The following FBN1 variants were observed in gnomAD, a reference collection of about 807,000 sequenced individuals.
The protein encoded by FBN1 is fibrillin-1.
A neutral mutation model predicts 365.1 loss-of-function variants in FBN1; 29 were observed. That is an observed-to-expected ratio of 0.08 (90% CI 0.06 to 0.11). FBN1 has a LOEUF of 0.11. Among genes scored for constraint, FBN1 ranks in the 10% least tolerant of loss-of-function variants. FBN1 has a pLI of 1.00. For synonymous variants in FBN1, 1,210 were observed against 1,270.5 expected, an observed-to-expected ratio of 0.95 and a Z score of 1.01; for missense variants, 2,476 against 3,703.2, an observed-to-expected ratio of 0.67 and a Z score of 8.60.
At chr15:48,534,006 A>G in intron 8 of FBN1, 74 bp downstream of exon 8, 1 of 1,595,412 alleles carries the variant, frequency 6.3e-7, no homozygotes, top group South Asian at 1.1e-5. Context: ...TAATTTGCAA[A>G]CAAGCTTGTT....
chr15:48,644,291 C>A (rs189577755), intron 2 of FBN1: 2 of 382,842 alleles, frequency 5.2e-6, no homozygotes, highest in Non-Finnish European at 9.7e-6. Context: ...GGGAAAGGAA[C>A]GGGCTTCTCC....
intron 63 of FBN1, among the ~76,000 whole-genome samples, chr15:48,417,769 C>T (rs1324561606): frequency 6.6e-6 from 1 of 152,168 alleles, no homozygotes; most frequent in Non-Finnish European, 1.5e-5. Flanking sequence ...CACCAAGCTC[C>T]ATGTCAAACA....
chr15:48,569,134 A>G (rs1239124130), intron 6 of FBN1, among the ~76,000 whole-genome samples: 1 of 152,092 alleles, frequency 6.6e-6, no homozygotes, highest in Non-Finnish European at 1.5e-5. Flanking sequence ...TTACAACTCA[A>G]TAAGAAGATA....
intron 4 of FBN1, among the ~76,000 whole-genome samples, chr15:48,605,523 G>A (rs901126258): frequency 2.0e-5 from 3 of 152,176 alleles, no homozygotes; most frequent in Non-Finnish European, 2.9e-5. Context: ...AGTATTTAGA[G>A]TATACAAAGA....
chr15:48,535,555 A>C (rs1307418321), intron 7 of FBN1, among the ~76,000 whole-genome samples: 1 of 152,228 alleles, frequency 6.6e-6, no homozygotes, highest in South Asian at 2.1e-4. Flanking sequence ...CCAAGCAAAC[A>C]GTCTAATGTA....
intron 42 of FBN1, among the ~76,000 whole-genome samples, chr15:48,462,539 C>A (rs2043287223): frequency 6.9e-6 from 1 of 144,678 alleles, no homozygotes; most frequent in African/African-American, 2.6e-5. Flanking sequence ...AAGTTTGGGG[C>A]TAAAATTATT....
intron 43 of FBN1, among the ~76,000 whole-genome samples, chr15:48,457,842 T>C (rs2043252555): frequency 6.6e-6 from 1 of 152,066 alleles, no homozygotes; most frequent in Admixed American, 6.5e-5. Context: ...CCACAGGATA[T>C]AACCTGCCCA....
At chr15:48,563,675 C>T (rs1224091972) in intron 6 of FBN1, among the ~76,000 whole-genome samples, 4 of 152,160 alleles carry the variant, frequency 2.6e-5, no homozygotes, top group Non-Finnish European at 4.4e-5. Context: ...ACTCTTTCCT[C>T]GTGGGTATCA....
At chr15:48,479,655 T>C (rs1397293268) in intron 32 of FBN1, among the ~76,000 whole-genome samples, 1 of 152,248 alleles carries the variant, frequency 6.6e-6, no homozygotes, top group East Asian at 1.9e-4. Context: ...TTCAAATCTA[T>C]GTTCATGTGA....
intron 15 of FBN1, among the ~76,000 whole-genome samples, chr15:48,507,500 G>A (rs1259499247): frequency 6.6e-6 from 1 of 152,106 alleles, no homozygotes; most frequent in African/African-American, 2.4e-5. Flanking sequence ...AGACAGGTTT[G>A]CACAATATTA....
intron 8 of FBN1, among the ~76,000 whole-genome samples, chr15:48,532,362 G>A (rs189693405): frequency 9.9e-5 from 15 of 152,058 alleles, no homozygotes; most frequent in African/African-American, 3.4e-4. Flanking sequence ...ACCTATCGTT[G>A]ATGTAGGTTT....
chr15:48,591,388 G>A lies in FBN1; in HGVS notation c.538+4895C>T, dbSNP rs368181475. On this transcript the variant is annotated intron_variant, in intron 6 of 65. Coordinates refer to ENST00000316623, the MANE Select transcript of FBN1 (RefSeq NM_000138.5). ...AAGAGTTCCAAACACATTTTGAGCT[G>A]TTGTAATATTACAAGAAAATGATAT... Among the ~76,000 whole-genome samples the A allele has an allele frequency of 2.6e-5, 4 of 152,090 alleles. No individual in the cohort carries two copies. The East Asian group carries it at 7.7e-4, about 29-fold the overall frequency.
At chr15:48,422,963 CA>C (rs201337290) in intron 60 of FBN1, among the ~76,000 whole-genome samples, 3 of 151,646 alleles carry the variant, frequency 2.0e-5, no homozygotes, top group Non-Finnish European at 4.4e-5. Context: ...AAACAAAAAA[CA>C]AAAAAAACAA....
At chr15:48,582,124 C>A (rs563726879) in intron 6 of FBN1, among the ~76,000 whole-genome samples, 1 of 152,196 alleles carries the variant, frequency 6.6e-6, no homozygotes, top group African/African-American at 2.4e-5. Context: ...AAAAAACTAT[C>A]GGCTAAAAAG....
At chr15:48,421,498 C>T (rs1475396144) in intron 62 of FBN1, 60 bp downstream of exon 62, 8 of 1,593,354 alleles carry the variant, frequency 5.0e-6, no homozygotes, top group East Asian at 2.3e-5. Context: ...GTGCCAATAG[C>T]CACACAGGCC....
At chr15:48,443,446 T>A (rs934851748) in intron 49 of FBN1, among the ~76,000 whole-genome samples, 1 of 152,196 alleles carries the variant, frequency 6.6e-6, no homozygotes, top group African/African-American at 2.4e-5. Context: ...TATATTCTGT[T>A]CAATTTAGCG....
chr15:48,443,715 T>A (rs2043133477), intron 49 of FBN1, among the ~76,000 whole-genome samples: 1 of 152,140 alleles, frequency 6.6e-6, no homozygotes, highest in South Asian at 2.1e-4. Context: ...CAACCCTACT[T>A]ATTTATGAAA....
intron 48 of FBN1, among the ~76,000 whole-genome samples, 181 bp downstream of exon 48, chr15:48,445,171 CACATATATATATGTATATATATAT>C (rs1387139255): frequency 5.0e-5 from 7 of 138,948 alleles, no homozygotes; most frequent in East Asian, 4.7e-4. Flanking sequence ...TATATATACA[CACATATATATATGTATATATATAT>C]ACATATATAT....
chr15:48,570,451 T>C (rs1017887541), intron 6 of FBN1, among the ~76,000 whole-genome samples: 1 of 150,446 alleles, frequency 6.6e-6, no homozygotes, highest in Admixed American at 6.6e-5. Context: ...TCTGCTACTG[T>C]AAATGTTGGG....
Sources: allele counts gnomAD v4.1 joint callset (sites outside exome capture counted in the v4.1 genomes callset), GRCh38; gene constraint gnomAD v4.1.1; transcripts MANE v1.5; gene names NCBI Gene and HGNC (gene_info 2026-07-23, HGNC 2026-07-21).